Variants in C14orf39 observed in about 807,000 individuals in gnomAD.
C14orf39 encodes the protein protein SIX6OS1.
Under a neutral mutation model 85.6 loss-of-function variants are expected in C14orf39, and 66 were observed. The ratio of observed to expected loss-of-function variants is 0.77; its 90% CI spans 0.63 to 0.95. The LOEUF is 0.95. Among genes scored for constraint, C14orf39 ranks in the 40% least tolerant of loss-of-function variants. The pLI is 0.00. For synonymous variants in C14orf39, 242 were observed against 214.0 expected (o/e 1.13, Z -1.14); for missense variants, 735 against 663.9 (o/e 1.11, Z -1.18).
chr14:60,496,241 G>C (rs1893068086), intron 2 of C14orf39: 1 of 404,362 alleles, frequency 2.5e-6, no homozygotes, highest in Non-Finnish European at 5.0e-6. Flanking sequence ...TGGATCTGCT[G>C]TAGCTGCTGC....
At chr14:60,469,681 T>G in intron 7 of C14orf39, 28 bp from the exon 8 acceptor site, 1 of 954,766 alleles carries the variant, frequency 1.0e-6, no homozygotes, top group Non-Finnish European at 1.5e-6. Flanking sequence ...CTATGTCATA[T>G]AAGTAAATTT....
chr14:60,453,613 AT>A (rs1324930926), intron 16 of C14orf39, among the ~76,000 whole-genome samples: 2 of 151,104 alleles, frequency 1.3e-5, no homozygotes, highest in Non-Finnish European at 1.5e-5. Flanking sequence ...TACTGTGTGT[AT>A]TTTTTTATTG....
intron 2 of C14orf39, chr14:60,496,080 TG>T: frequency 2.6e-6 from 2 of 780,408 alleles, no homozygotes; most frequent in Non-Finnish European, 4.1e-6. Flanking sequence ...AGACAGACCT[TG>T]GCTTCCAGTG....
intron 13 of C14orf39, among the ~76,000 whole-genome samples, chr14:60,459,882 A>T (rs1485782755): frequency 6.6e-6 from 1 of 151,764 alleles, no homozygotes; most frequent in East Asian, 1.9e-4. Flanking sequence ...AGTTTTACGT[A>T]CTTCAAATAT....
intron 7 of C14orf39, among the ~76,000 whole-genome samples, 172 bp downstream of exon 7, chr14:60,471,245 A>G (rs1267857863): frequency 6.6e-6 from 1 of 152,030 alleles, no homozygotes; most frequent in Non-Finnish European, 1.5e-5. Context: ...TTCTGATCAC[A>G]TGAATATACA....
intron 16 of C14orf39, among the ~76,000 whole-genome samples, chr14:60,450,459 G>A (rs1279212322): frequency 6.6e-6 from 1 of 152,154 alleles, no homozygotes; most frequent in Non-Finnish European, 1.5e-5. Flanking sequence ...GAGCAGGAAG[G>A]ACTTTGTATT....
At position 60,461,609 on chromosome 14, in the gene C14orf39, T is replaced by C. The variant is rs372432849; in HGVS notation, c.973-16A>G. On this transcript the variant is annotated splice_polypyrimidine_tract_variant and intron_variant, in intron 11 of 17. Coordinates refer to ENST00000321731, the MANE Select transcript of C14orf39 (RefSeq NM_174978.3). ...CATTAAATATCTGAAAGAAAGAAAT[T>C]AAGCATCTGACTTGGCTACACAAAG... 332 of 1,502,240 alleles carry C rather than the reference T, an allele frequency of 2.2e-4. 1 individual carries two copies. The Middle Eastern group carries it at 2.8e-3, about 13-fold the overall frequency. The allele number at this position is 1,502,240 out of a possible 1,614,324, so 93.1% of individuals were successfully genotyped here.
intron 4 of C14orf39, among the ~76,000 whole-genome samples, chr14:60,479,334 T>G (rs1026416182): frequency 6.6e-6 from 1 of 152,156 alleles, no homozygotes; most frequent in Non-Finnish European, 1.5e-5. Flanking sequence ...CATACATATA[T>G]TCTCAATATT....
chr14:60,471,138 A>G (rs1892055175), intron 7 of C14orf39, among the ~76,000 whole-genome samples: 1 of 151,944 alleles, frequency 6.6e-6, no homozygotes, highest in African/African-American at 2.4e-5. Flanking sequence ...TTCTTTGGTA[A>G]GACAGACCAA....
At position 60,436,665 on chromosome 14, in the gene C14orf39, T is replaced by C. The variant is rs1316224130; in HGVS notation, c.*180A>G. The stretch of plus-strand genomic sequence containing the variant: ...ACCAAAATAAATAATGATTAGTTAA[T>C]AGCACACACAAAACCCAAAATATTC... On this transcript the variant is annotated 3_prime_UTR_variant, in exon 18 of 18. Transcript: ENST00000321731. 1.3e-5 allele frequency: 6 copies of C among 462,720 alleles called. No homozygotes were observed. Among genetic ancestry groups the C allele is most frequent in the South Asian group, 4.2e-5 (1 of 23,752 alleles). The allele number at this position is 462,720 out of a possible 1,614,324, so 28.7% of individuals were successfully genotyped here. A position where few individuals can be genotyped will look rare whatever the true frequency, so the allele number is the denominator to read the frequency against.
intron 15 of C14orf39, 137 bp from the exon 16 acceptor site, chr14:60,455,282 C>A: frequency 1.8e-6 from 1 of 569,426 alleles, no homozygotes; most frequent in South Asian, 3.0e-5. Flanking sequence ...AAGTGACAAT[C>A]CTATCGAGAA....
chr14:60,492,124 C>A (rs903001745), intron 2 of C14orf39, among the ~76,000 whole-genome samples: 1 of 55,408 alleles, frequency 1.8e-5, no homozygotes, highest in Non-Finnish European at 4.7e-5. Flanking sequence ...CACAACTTGG[C>A]AAAACTTTAA....
chr14:60,462,374 C>G (rs575115881), intron 11 of C14orf39, among the ~76,000 whole-genome samples: 17 of 152,180 alleles, frequency 1.1e-4, no homozygotes, highest in African/African-American at 3.4e-4. Context: ...GGAGGTGACA[C>G]GGCAAGACTT....
intron 1 of C14orf39, chr14:60,511,381 G>T: frequency 8.5e-7 from 1 of 1,176,116 alleles, no homozygotes; most frequent in East Asian, 2.5e-5. Context: ...GGACCCGCGG[G>T]CTCGGGTTGC....
intron 11 of C14orf39, 137 bp from the exon 12 acceptor site, chr14:60,461,730 A>G: frequency 1.9e-6 from 1 of 521,110 alleles, no homozygotes; most frequent in Non-Finnish European, 3.4e-6. Flanking sequence ...AACATCAACA[A>G]CTACACACAT....
intron 1 of C14orf39, chr14:60,512,728 T>C (rs1893312922): frequency 6.6e-6 from 1 of 152,244 alleles, no homozygotes; most frequent in African/African-American, 2.4e-5. Flanking sequence ...AACAAATGCA[T>C]GCATATACAA....
intron 11 of C14orf39, among the ~76,000 whole-genome samples, chr14:60,462,553 T>A (rs1891581114): frequency 6.6e-6 from 1 of 152,178 alleles, no homozygotes; most frequent in South Asian, 2.1e-4. Context: ...CTCATTTATT[T>A]TTGTTATAAC....
chr14:60,495,308 G>A (rs370217598), intron 2 of C14orf39: 60 of 219,076 alleles, frequency 2.7e-4, no homozygotes, highest in Admixed American at 9.2e-4. Context: ...ATTCCACTCC[G>A]TTGGAGGCCA....
intron 10 of C14orf39, 84 bp from the exon 11 acceptor site, chr14:60,466,139 T>C (rs1891781132): frequency 1.8e-6 from 1 of 544,048 alleles, no homozygotes; most frequent in Admixed American, 3.7e-5. Flanking sequence ...AAACTTGTAA[T>C]TTAGAAAATC....
Sources: gnomAD v4.1 joint callset for allele counts (sites outside exome capture counted in the v4.1 genomes callset) on GRCh38, gnomAD v4.1.1 for gene constraint, MANE v1.5 for transcripts, NCBI Gene and HGNC (gene_info 2026-07-23, HGNC 2026-07-21) for gene names.